Variants in CPHXL2 observed in about 807,000 individuals in gnomAD.
CPHXL2 encodes cytoplasmic polyadenylated homeobox-like protein 2.
At chr16:75,670,244 C>A in the CPHXL2 span, among the ~76,000 whole-genome samples, 5 of 152,050 alleles carry the variant, frequency 3.3e-5, no homozygotes, top group Admixed American at 2.6e-4. Context: ...GAACTAATTG[C>A]AGAAGAATAT....
the CPHXL2 span, chr16:75,669,246 G>A: frequency 2.5e-6 from 1 of 394,362 alleles, no homozygotes. Flanking sequence ...AGCCCAGGAA[G>A]TTGAGGCTGC....
chr16:75,668,725 G>A, the CPHXL2 span, among the ~76,000 whole-genome samples: 2 of 152,112 alleles, frequency 1.3e-5, no homozygotes, highest in African/African-American at 2.4e-5. Context: ...TGCTACATAA[G>A]TAGTTCTTAT....
chr16:75,672,294 A>T, the CPHXL2 span, among the ~76,000 whole-genome samples: 1 of 151,460 alleles, frequency 6.6e-6, no homozygotes, highest in African/African-American at 2.4e-5. Context: ...AAAAAAAAAA[A>T]TTTCCTTGAT....
At chr16:75,660,521 C>T in the CPHXL2 span, 45 of 398,632 alleles carry the variant, frequency 1.1e-4, no homozygotes, top group African/African-American at 7.6e-4. Context: ...CCCAAGGACC[C>T]GAGTCCATTG....
the CPHXL2 span, among the ~76,000 whole-genome samples, chr16:75,662,717 T>A: frequency 6.6e-6 from 1 of 152,166 alleles, no homozygotes; most frequent in Non-Finnish European, 1.5e-5. Context: ...ACCCAAATTA[T>A]TCAGGCTTTG....
chr16:75,674,690 T>TA, the CPHXL2 span, among the ~76,000 whole-genome samples: 52 of 152,094 alleles, frequency 3.4e-4, no homozygotes, highest in African/African-American at 1.2e-3. Context: ...TTTTAAAACT[T>TA]ACTATATATA....
At chr16:75,662,212 G>T in the CPHXL2 span, among the ~76,000 whole-genome samples, 1 of 152,096 alleles carries the variant, frequency 6.6e-6, no homozygotes, top group Non-Finnish European at 1.5e-5. Flanking sequence ...AGTGAGATAT[G>T]GGGGAAGGGG....
chr16:75,662,334 T>TC, the CPHXL2 span, among the ~76,000 whole-genome samples: 1 of 143,190 alleles, frequency 7.0e-6, no homozygotes, highest in Non-Finnish European at 1.5e-5. Flanking sequence ...TTCTTTCTTT[T>TC]CTTTTTTTTT....
the CPHXL2 span, among the ~76,000 whole-genome samples, chr16:75,672,493 G>A: frequency 6.6e-6 from 1 of 151,930 alleles, no homozygotes; most frequent in Admixed American, 6.6e-5. Context: ...ATAATTTTTT[G>A]TTTTGTTTTG....
the CPHXL2 span, chr16:75,660,892 G>A: frequency 2.5e-6 from 1 of 398,680 alleles, no homozygotes; most frequent in Non-Finnish European, 4.4e-6. Flanking sequence ...CCTGCGACCA[G>A]ATAGGAGCAC....
the CPHXL2 span, among the ~76,000 whole-genome samples, chr16:75,668,229 A>ATT: frequency 1.1e-5 from 1 of 88,462 alleles, no homozygotes; most frequent in Non-Finnish European, 1.8e-5. Context: ...ATATACATAT[A>ATT]TATTTTTTTT....
the CPHXL2 span, among the ~76,000 whole-genome samples, chr16:75,670,392 CTCTA>C: frequency 1.2e-4 from 19 of 152,258 alleles, no homozygotes; most frequent in South Asian, 4.1e-4. Context: ...ACTAAGTTCT[CTCTA>C]TCTGAGTGCT....
chr16:75,676,559 C>CGATA, the CPHXL2 span, among the ~76,000 whole-genome samples: 1 of 152,154 alleles, frequency 6.6e-6, no homozygotes, highest in African/African-American at 2.4e-5. Context: ...TGGACTCAAG[C>CGATA]TATCCTCCCA....
At chr16:75,671,603 G>A in the CPHXL2 span, among the ~76,000 whole-genome samples, 2 of 152,050 alleles carry the variant, frequency 1.3e-5, no homozygotes, top group Non-Finnish European at 2.9e-5. Context: ...CTAAAGTAGT[G>A]CCTTATAAAA....
At chr16:75,672,187 G>A in the CPHXL2 span, among the ~76,000 whole-genome samples, 1 of 151,796 alleles carries the variant, frequency 6.6e-6, no homozygotes, top group Non-Finnish European at 1.5e-5. Context: ...GCTGAGGCAG[G>A]AGAATCGCTT....
At chr16:75,675,440 A>G in the CPHXL2 span, among the ~76,000 whole-genome samples, 10 of 152,268 alleles carry the variant, frequency 6.6e-5, no homozygotes, top group Non-Finnish European at 1.0e-4. Context: ...TTTTCAACAA[A>G]GGTGTCAAAA....
At chr16:75,674,754 G>A in the CPHXL2 span, among the ~76,000 whole-genome samples, 1 of 151,956 alleles carries the variant, frequency 6.6e-6, no homozygotes, top group African/African-American at 2.4e-5. Context: ...CTGTCTCCCA[G>A]GCTGGAGTGC....
the CPHXL2 span, among the ~76,000 whole-genome samples, chr16:75,672,527 G>C: frequency 1.3e-5 from 2 of 152,086 alleles, no homozygotes; most frequent in African/African-American, 4.8e-5. Context: ...GACTCACTCT[G>C]TCCACCCAAG....
At chr16:75,670,906 A>T in the CPHXL2 span, among the ~76,000 whole-genome samples, 1 of 151,950 alleles carries the variant, frequency 6.6e-6, no homozygotes, top group African/African-American at 2.4e-5. Flanking sequence ...CCCCGCAGCT[A>T]TGTCAGTCTC....
Sources: gnomAD v4.1 joint callset for allele counts (sites outside exome capture counted in the v4.1 genomes callset) on GRCh38, gnomAD v4.1.1 for gene constraint, MANE v1.5 for transcripts, NCBI Gene and HGNC (gene_info 2026-07-23, HGNC 2026-07-21) for gene names.